The following SUSD3 variants were observed in gnomAD, a reference collection of about 807,000 sequenced individuals.
The protein encoded by SUSD3 is sushi domain containing 3.
Under a neutral mutation model 20.6 loss-of-function variants are expected in SUSD3, and 18 were observed. That is an observed-to-expected ratio of 0.87 (90% CI 0.60 to 1.30). SUSD3 has a LOEUF of 1.30. SUSD3 is among the 50% of genes most tolerant of loss of function. The pLI, the probability that SUSD3 is intolerant of heterozygous loss-of-function variation, is 0.00. For missense variants in SUSD3, 306 were observed against 346.9 expected, an observed-to-expected ratio of 0.88 and a Z score of 0.94; for synonymous variants, 137 against 141.5, an observed-to-expected ratio of 0.97 and a Z score of 0.23.
At chr9:93,065,820 C>T (rs568085241) in intron 1 of SUSD3, among the ~76,000 whole-genome samples, 20 of 152,236 alleles carry the variant, frequency 1.3e-4, no homozygotes, top group Non-Finnish European at 2.4e-4. Context: ...TTCACTCATT[C>T]CTGCACTGAT....
intron 1 of SUSD3, among the ~76,000 whole-genome samples, chr9:93,073,241 G>A (rs1251144585): frequency 1.4e-5 from 2 of 140,682 alleles, no homozygotes; most frequent in African/African-American, 5.3e-5. Context: ...TGCTGTCCCT[G>A]TTCTTTTTTT....
chr9:93,065,429 C>T (rs536042514), intron 1 of SUSD3, among the ~76,000 whole-genome samples: 39 of 152,330 alleles, frequency 2.6e-4, no homozygotes, highest in African/African-American at 8.9e-4. Context: ...ACACACTCAC[C>T]CTCGCCAACC....
Position 93,084,277 on chromosome 9 carries a change from C to T in SUSD3, c.558-260C>T, listed in dbSNP as rs1324817278. 2.0e-5 allele frequency among the ~76,000 whole-genome samples: 3 copies of T among 152,090 alleles called. No homozygotes were observed. In the South Asian group the frequency reaches 6.2e-4, roughly 32 times the overall value. ...AGTCCCTTCCCACACCTTAGGGGGGCAAGTGTCTGACTCCTGGGCCACGCC... is the reference window on the plus strand; with the variant it reads ...AGTCCCTTCCCACACCTTAGGGGGGTAAGTGTCTGACTCCTGGGCCACGCC... On this transcript the variant is annotated intron_variant, in intron 4 of 4. Coordinates refer to ENST00000375472, the MANE Select transcript of SUSD3 (RefSeq NM_145006.4).
At chr9:93,076,119 G>C in intron 2 of SUSD3, 147 bp downstream of exon 2, 1 of 683,864 alleles carries the variant, frequency 1.5e-6, no homozygotes, top group Non-Finnish European at 2.4e-6. Context: ...AACACTGACA[G>C]CTTGCTTACA....
At chr9:93,081,092 C>T (rs1247432558) in intron 4 of SUSD3, among the ~76,000 whole-genome samples, 1 of 152,200 alleles carries the variant, frequency 6.6e-6, no homozygotes, top group African/African-American at 2.4e-5. Context: ...TTGTGGGCTC[C>T]AGTTCTTGGC....
intron 3 of SUSD3, among the ~76,000 whole-genome samples, chr9:93,079,041 A>G (rs1328680133): frequency 6.6e-6 from 1 of 151,332 alleles, no homozygotes; most frequent in African/African-American, 2.4e-5. Context: ...TGACCTCATG[A>G]TCCACCTGCC....
At chr9:93,063,770 C>A (rs1374042737) in intron 1 of SUSD3, among the ~76,000 whole-genome samples, 1 of 152,104 alleles carries the variant, frequency 6.6e-6, no homozygotes, top group Non-Finnish European at 1.5e-5. Context: ...GCCATTCCAG[C>A]AGTGCACTTA....
At position 93,078,000 on chromosome 9, in the gene SUSD3, T is replaced by C. The variant is rs773778489; in HGVS notation, c.425+7T>C. On this transcript the variant is annotated splice_region_variant and intron_variant, in intron 3 of 4. Transcript: ENST00000375472. ...AGCGGCGGCGCTCCAACAGGTACGG[T>C]GGCCTCATGATCTCAGGGTCCTCCC... The C allele has an allele frequency of 6.0e-5, 97 of 1,613,996 alleles. No homozygotes were observed. The highest frequency in any genetic ancestry group is 7.7e-5 in the Non-Finnish European group (91 of 1,180,028).
chr9:93,084,833 C>G lies in SUSD3; in HGVS notation c.*86C>G, dbSNP rs988059646. 2 of 1,202,560 alleles carry G rather than the reference C, an allele frequency of 1.7e-6. No homozygotes were observed. The highest frequency in any genetic ancestry group is 2.2e-6 in the Non-Finnish European group (2 of 891,754). The allele number at this position is 1,202,560 out of a possible 1,614,324, so 74.5% of individuals were successfully genotyped here. ...AGTCAGCTACAACTCCACATCAACT[C>G]CACATGCGCCCAGCTCGAGACTGAT... is the stretch of plus-strand genomic sequence containing the variant. On this transcript the variant is annotated 3_prime_UTR_variant, in exon 5 of 5. Coordinates refer to ENST00000375472, the MANE Select transcript of SUSD3 (RefSeq NM_145006.4).
intron 4 of SUSD3, among the ~76,000 whole-genome samples, chr9:93,084,270 A>G (rs1826549844): frequency 6.6e-6 from 1 of 151,940 alleles, no homozygotes; most frequent in African/African-American, 2.4e-5. Flanking sequence ...CCCACACCTT[A>G]GGGGGGCAAG....
intron 1 of SUSD3, among the ~76,000 whole-genome samples, chr9:93,060,426 A>G (rs1825459430): frequency 2.0e-5 from 3 of 152,166 alleles, no homozygotes; most frequent in Admixed American, 6.5e-5. Flanking sequence ...GGATGATGCC[A>G]TCATCTGGAC....
chr9:93,077,801 T>C, intron 2 of SUSD3, 45 bp from the exon 3 acceptor site: 1 of 1,611,338 alleles, frequency 6.2e-7, no homozygotes, highest in Non-Finnish European at 8.5e-7. Context: ...GCCAAGCAAA[T>C]CTGGGCAAAC....
chr9:93,073,697 T>G (rs1826004362), intron 1 of SUSD3, among the ~76,000 whole-genome samples: 1 of 152,304 alleles, frequency 6.6e-6, no homozygotes, highest in East Asian at 1.9e-4. Flanking sequence ...CTGAACGTCC[T>G]TGAACCCCAG....
At chr9:93,081,535 T>C (rs939310348) in intron 4 of SUSD3, among the ~76,000 whole-genome samples, 1 of 152,144 alleles carries the variant, frequency 6.6e-6, no homozygotes, top group Non-Finnish European at 1.5e-5. Context: ...TGAGAGCTCA[T>C]TGAATACTGG....
At chr9:93,075,737 C>CCA in intron 1 of SUSD3, 47 bp from the exon 2 acceptor site, 1 of 115,920 alleles carries the variant, frequency 8.6e-6, no homozygotes, top group South Asian at 5.3e-5. Flanking sequence ...GCCCTGCGTG[C>CCA]CCACCCCCCC....
intron 1 of SUSD3, among the ~76,000 whole-genome samples, chr9:93,064,542 AGGATGT>A (rs1825634043): frequency 6.6e-6 from 1 of 152,240 alleles, no homozygotes; most frequent in African/African-American, 2.4e-5. Context: ...CTGAGAACAC[AGGATGT>A]GGCTTTTGGC....
intron 1 of SUSD3, among the ~76,000 whole-genome samples, chr9:93,059,236 C>G (rs1360242890): frequency 6.6e-6 from 1 of 152,164 alleles, no homozygotes; most frequent in East Asian, 1.9e-4. Flanking sequence ...GCCGGGAGCC[C>G]TCTCTGCGCC....
At chr9:93,061,715 G>A (rs149493535) in intron 1 of SUSD3, among the ~76,000 whole-genome samples, 5 of 152,316 alleles carry the variant, frequency 3.3e-5, no homozygotes, top group African/African-American at 9.6e-5. Context: ...TGGGGGTCCT[G>A]TTCTCAAAGC....
chr9:93,080,751 C>G (rs1826382055), intron 4 of SUSD3, among the ~76,000 whole-genome samples: 1 of 152,238 alleles, frequency 6.6e-6, no homozygotes, highest in Non-Finnish European at 1.5e-5. Flanking sequence ...TCTCAGCGTG[C>G]AAGGCTGATC....
Sources: gnomAD v4.1 joint callset for allele counts (sites outside exome capture counted in the v4.1 genomes callset) on GRCh38, gnomAD v4.1.1 for gene constraint, MANE v1.5 for transcripts, NCBI Gene and HGNC (gene_info 2026-07-23, HGNC 2026-07-21) for gene names.